SOX6: variants seen among roughly 807,000 people sequenced by gnomAD.
SOX6 encodes SRY-box transcription factor 6.
SOX6 carries 11 observed loss-of-function variants against 97.8 expected under a neutral mutation model. That is an observed-to-expected ratio of 0.11 (90% confidence interval 0.07 to 0.19). The LOEUF is 0.19. Among genes scored for constraint, SOX6 ranks in the 10% least tolerant of loss-of-function variants. The probability of loss-of-function intolerance (pLI) is 1.00; values close to 1 mark genes in which losing one functional copy is unlikely to be tolerated. For synonymous variants in SOX6, 360 were observed against 371.4 expected, an observed-to-expected ratio of 0.97 and a Z score of 0.35; for missense variants, 810 against 1,039.5, an observed-to-expected ratio of 0.78 and a Z score of 3.04.
At chr11:16,519,564 A>C (rs1861024712) in intron 4 of SOX6, among the ~76,000 whole-genome samples, 1 of 152,050 alleles carries the variant, frequency 6.6e-6, no homozygotes, top group Admixed American at 6.6e-5. Flanking sequence ...TCTATGATAT[A>C]TATATATATA....
At chr11:16,554,119 A>G (rs1292018752) in intron 4 of SOX6, among the ~76,000 whole-genome samples, 3 of 152,166 alleles carry the variant, frequency 2.0e-5, no homozygotes, top group Non-Finnish European at 4.4e-5. Context: ...TTTCTTTGAA[A>G]TACTGTATGC....
chr11:16,666,500 C>T (rs914188572), intron 3 of SOX6, among the ~76,000 whole-genome samples: 1 of 152,160 alleles, frequency 6.6e-6, no homozygotes, highest in African/African-American at 2.4e-5. Context: ...AGCTTGAAGA[C>T]AGGCTATTTG....
chr11:16,202,259 A>T (rs1382025596), intron 4 of SOX6, among the ~76,000 whole-genome samples: 2 of 152,190 alleles, frequency 1.3e-5, no homozygotes, highest in Non-Finnish European at 2.9e-5. Context: ...GCTTCTGAAG[A>T]TTCTAAGGCC....
intron 6 of SOX6, among the ~76,000 whole-genome samples, chr11:16,164,982 T>C (rs1303493488): frequency 6.6e-6 from 1 of 152,218 alleles, no homozygotes; most frequent in Admixed American, 6.5e-5. Flanking sequence ...GTTCTTTTTA[T>C]CTATATTGCT....
At chr11:16,160,625 C>G (rs1031432877) in intron 6 of SOX6, among the ~76,000 whole-genome samples, 2 of 152,032 alleles carry the variant, frequency 1.3e-5, no homozygotes, top group Non-Finnish European at 1.5e-5. Context: ...GTCTATAAGC[C>G]TGTCAAAGAA....
intron 4 of SOX6, among the ~76,000 whole-genome samples, chr11:16,521,736 A>C (rs1357289936): frequency 2.0e-5 from 3 of 152,158 alleles, no homozygotes; most frequent in Non-Finnish European, 4.4e-5. Context: ...TTTGAAAAAA[A>C]TTTAGACGAA....
intron 15 of SOX6, among the ~76,000 whole-genome samples, chr11:15,978,484 C>T (rs1447976473): frequency 1.4e-5 from 2 of 138,674 alleles, no homozygotes; most frequent in Admixed American, 7.5e-5. Context: ...TTCTCAGATG[C>T]CACACCCTCC....
chr11:16,213,562 C>G (rs1310888995), intron 4 of SOX6, among the ~76,000 whole-genome samples: 1 of 152,140 alleles, frequency 6.6e-6, no homozygotes, highest in African/African-American at 2.4e-5. Context: ...GATCAGCTTT[C>G]CCATTAGCCA....
intron 1 of SOX6, among the ~76,000 whole-genome samples, chr11:16,426,846 G>A (rs1359445045): frequency 1.4e-4 from 20 of 144,934 alleles, no homozygotes; most frequent in East Asian, 1.0e-3. Flanking sequence ...CCCGGGAGGC[G>A]GAGCTTGCAG....
intron 3 of SOX6, among the ~76,000 whole-genome samples, chr11:16,655,863 A>G (rs1025349809): frequency 1.3e-5 from 2 of 151,954 alleles, no homozygotes; most frequent in African/African-American, 4.8e-5. Context: ...CACCTACTTG[A>G]GAGACTGAGG....
chr11:16,729,487 C>T (rs955577123), intron 2 of SOX6, among the ~76,000 whole-genome samples: 1 of 152,080 alleles, frequency 6.6e-6, no homozygotes, highest in Non-Finnish European at 1.5e-5. Flanking sequence ...CTAAGCTTCA[C>T]AAGTGAAGGA....
At position 16,259,816 on chromosome 11, in the gene SOX6, A is replaced by G. The variant is rs879823884; in HGVS notation, c.446-25145T>C. ...TTCCAGGATACTAGAAATGTTCTAT[A>G]TCTTGCTATGGATGGTGGTTACACA... On this transcript the variant is annotated intron_variant, in intron 3 of 15. Coordinates refer to ENST00000683767, the MANE Select transcript of SOX6 (RefSeq NM_001367873.1). Among the ~76,000 whole-genome samples, 6 of 152,032 alleles carry G rather than the reference A, an allele frequency of 3.9e-5. 1 individual carries two copies. The highest frequency in any genetic ancestry group is 3.9e-4 in the Admixed American group (6 of 15,252).
At chr11:16,074,946 C>G (rs1385403110) in intron 9 of SOX6, among the ~76,000 whole-genome samples, 1 of 152,120 alleles carries the variant, frequency 6.6e-6, no homozygotes, top group Non-Finnish European at 1.5e-5. Context: ...GTGGAGGCAT[C>G]ACATTACCCG....
At chr11:16,161,111 T>C (rs773684705) in intron 6 of SOX6, among the ~76,000 whole-genome samples, 18 of 152,088 alleles carry the variant, frequency 1.2e-4, no homozygotes, top group Non-Finnish European at 7.3e-5. Flanking sequence ...ATGGTGTAAA[T>C]GGTTGATTTC....
chr11:16,316,105 T>C (rs1056367295), intron 3 of SOX6: 2 of 42,264 alleles, frequency 4.7e-5, no homozygotes, highest in African/African-American at 1.1e-4. Context: ...TTAAAACTCA[T>C]AGGTTTTTTT....
At chr11:16,709,453 G>A (rs1288268498) in intron 3 of SOX6, among the ~76,000 whole-genome samples, 1 of 152,066 alleles carries the variant, frequency 6.6e-6, no homozygotes, top group Non-Finnish European at 1.5e-5. Context: ...AAGAGGTGGA[G>A]GTTGCAGTGA....
intron 4 of SOX6, among the ~76,000 whole-genome samples, chr11:16,545,052 A>G (rs1365914818): frequency 6.6e-6 from 1 of 152,104 alleles, no homozygotes; most frequent in Non-Finnish European, 1.5e-5. Context: ...GCAAGACCCC[A>G]TATCATTTTT....
At chr11:16,451,668 T>C (rs1859716914) in intron 1 of SOX6, among the ~76,000 whole-genome samples, 1 of 152,146 alleles carries the variant, frequency 6.6e-6, no homozygotes, top group South Asian at 2.1e-4. Flanking sequence ...GGCCTATTCA[T>C]TCAGCTGCAC....
At chr11:16,322,953 C>T (rs1855970541) in intron 2 of SOX6, among the ~76,000 whole-genome samples, 1 of 152,116 alleles carries the variant, frequency 6.6e-6, no homozygotes, top group South Asian at 2.1e-4. Context: ...CACTGTTTAA[C>T]ACGACTAAAC....
Sources: gnomAD v4.1 joint callset for allele counts (sites outside exome capture counted in the v4.1 genomes callset) on GRCh38, gnomAD v4.1.1 for gene constraint, MANE v1.5 for transcripts, NCBI Gene and HGNC (gene_info 2026-07-23, HGNC 2026-07-21) for gene names.